PALM2AKAP2: variants seen among roughly 807,000 people sequenced by gnomAD.
PALM2AKAP2 encodes the protein PALM2 and AKAP2 fusion.
PALM2AKAP2 carries 37 observed loss-of-function variants against 71.5 expected under a neutral mutation model. That is an observed-to-expected ratio of 0.52 (90% CI 0.40 to 0.68). The LOEUF is 0.68. PALM2AKAP2 is among the 30% of genes least tolerant of loss of function. PALM2AKAP2 has a pLI of 0.00. For synonymous variants in PALM2AKAP2, 468 were observed against 478.8 expected (o/e 0.98, Z 0.29); for missense variants, 1,224 against 1,191.8 (o/e 1.03, Z -0.40).
intron 6 of PALM2AKAP2, among the ~76,000 whole-genome samples, chr9:109,932,586 C>T (rs1317316451): frequency 1.3e-5 from 2 of 152,174 alleles, no homozygotes; most frequent in African/African-American, 4.8e-5. Flanking sequence ...TAATGTGTCT[C>T]ACAATTGGAA....
At chr9:109,967,700 G>T (rs765542883) in intron 6 of PALM2AKAP2, among the ~76,000 whole-genome samples, 1 of 152,176 alleles carries the variant, frequency 6.6e-6, no homozygotes, top group Admixed American at 6.5e-5. Context: ...GTGAGCCACC[G>T]CACTTGGCTG....
At chr9:109,694,585 C>A (rs1354071268) in intron 1 of PALM2AKAP2, among the ~76,000 whole-genome samples, 2 of 151,948 alleles carry the variant, frequency 1.3e-5, no homozygotes, top group African/African-American at 4.8e-5. Context: ...ATGCTTATTT[C>A]TTGGAAAGGA....
At chr9:110,054,628 A>C (rs1731088861) in intron 1 of PALM2AKAP2, among the ~76,000 whole-genome samples, 1 of 152,152 alleles carries the variant, frequency 6.6e-6, no homozygotes, top group African/African-American at 2.4e-5. Context: ...GCTGGAGTGC[A>C]GTTGTGTGAT....
chr9:110,002,197 C>G (rs529135289), intron 6 of PALM2AKAP2, among the ~76,000 whole-genome samples: 1 of 152,054 alleles, frequency 6.6e-6, no homozygotes, highest in East Asian at 1.9e-4. Flanking sequence ...CCATCAATAC[C>G]CAATTTATTG....
chr9:109,981,273 C>T (rs1341455587), intron 6 of PALM2AKAP2, among the ~76,000 whole-genome samples: 3 of 152,148 alleles, frequency 2.0e-5, no homozygotes, highest in Non-Finnish European at 2.9e-5. Flanking sequence ...GTAAAAATAC[C>T]TCAAATGCAG....
At chr9:110,017,801 C>T (rs992339862) in intron 7 of PALM2AKAP2, among the ~76,000 whole-genome samples, 1 of 151,080 alleles carries the variant, frequency 6.6e-6, no homozygotes, top group Admixed American at 6.6e-5. Flanking sequence ...AGACTTGGCT[C>T]ACTGCAACAT....
Position 110,052,664 on chromosome 9 carries a change from A to G in PALM2AKAP2, c.156+3809A>G, listed in dbSNP as rs189108892. ...TGATATTTAAATCTAAGTTTTAAAA[A>G]TGTATTTCACCCATTGTTAATGAAA... On this transcript the variant is annotated intron_variant, in intron 1 of 3. Transcript: ENST00000374525. Among the ~76,000 whole-genome samples, 24 of 152,370 alleles carry G rather than the reference A, an allele frequency of 1.6e-4. No individual in the cohort carries two copies. In the East Asian group the frequency reaches 3.1e-3, roughly 20 times the overall value.
intron 1 of PALM2AKAP2, among the ~76,000 whole-genome samples, chr9:109,740,868 G>C (rs753369581): frequency 1.3e-5 from 2 of 152,130 alleles, no homozygotes; most frequent in Non-Finnish European, 2.9e-5. Context: ...TGGCCAGGAT[G>C]GTCTCAATCT....
At chr9:109,866,136 G>A (rs1829442267) in intron 1 of PALM2AKAP2, among the ~76,000 whole-genome samples, 1 of 152,200 alleles carries the variant, frequency 6.6e-6, no homozygotes, top group Non-Finnish European at 1.5e-5. Flanking sequence ...TCTGGGCATT[G>A]CACAGAAAAC....
intron 1 of PALM2AKAP2, among the ~76,000 whole-genome samples, chr9:109,689,898 C>T (rs1199514418): frequency 6.6e-6 from 1 of 152,202 alleles, no homozygotes; most frequent in Non-Finnish European, 1.5e-5. Context: ...GTTCACCACC[C>T]AACTGAATGA....
chr9:109,670,517 C>T (rs1053578234), intron 1 of PALM2AKAP2, among the ~76,000 whole-genome samples: 2 of 152,018 alleles, frequency 1.3e-5, no homozygotes, highest in Non-Finnish European at 2.9e-5. Flanking sequence ...TCCAGTCTAC[C>T]ATTGATGGAT....
intron 1 of PALM2AKAP2, among the ~76,000 whole-genome samples, chr9:109,711,842 C>G (rs1483017804): frequency 1.3e-5 from 2 of 152,194 alleles, no homozygotes; most frequent in Admixed American, 1.3e-4. Flanking sequence ...GGCTGTCCAG[C>G]GACTGGGATC....
intron 6 of PALM2AKAP2, chr9:109,944,278 A>G (rs1223678811): frequency 6.6e-6 from 1 of 152,188 alleles, no homozygotes; most frequent in Non-Finnish European, 1.5e-5. Flanking sequence ...GTAAATTTTT[A>G]TATTGTTTCT....
intron 7 of PALM2AKAP2, among the ~76,000 whole-genome samples, chr9:110,029,690 G>A (rs904436515): frequency 1.3e-5 from 2 of 152,172 alleles, no homozygotes; most frequent in Non-Finnish European, 2.9e-5. Flanking sequence ...CAAAGTCTAT[G>A]ACTTGTGAAA....
intron 1 of PALM2AKAP2, among the ~76,000 whole-genome samples, chr9:110,092,271 G>A (rs751158375): frequency 2.6e-5 from 4 of 152,110 alleles, no homozygotes; most frequent in Non-Finnish European, 5.9e-5. Context: ...GGTGGAGGCT[G>A]TAGTGAGCTG....
chr9:110,131,571 A>G (rs1249651536), intron 1 of PALM2AKAP2, among the ~76,000 whole-genome samples: 1 of 152,186 alleles, frequency 6.6e-6, no homozygotes, highest in Non-Finnish European at 1.5e-5. Flanking sequence ...ATTCCTGCCT[A>G]ATCCGGATAG....
At chr9:110,096,004 G>T (rs772141961) in intron 1 of PALM2AKAP2, among the ~76,000 whole-genome samples, 1 of 152,200 alleles carries the variant, frequency 6.6e-6, no homozygotes, top group Non-Finnish European at 1.5e-5. Context: ...ATCTACAAGC[G>T]CATGCATGTG....
intron 6 of PALM2AKAP2, among the ~76,000 whole-genome samples, chr9:110,011,447 C>T (rs550033901): frequency 1.6e-4 from 24 of 152,094 alleles, no homozygotes; most frequent in East Asian, 3.9e-4. Flanking sequence ...AACTCTTCTC[C>T]GGAACTCAAA....
At chr9:109,789,215 C>A (rs115957945) in intron 1 of PALM2AKAP2, among the ~76,000 whole-genome samples, 4,816 of 152,258 alleles carry the variant, frequency 0.032, 95 homozygotes, top group Non-Finnish European at 0.036. Flanking sequence ...AACACCATGA[C>A]AGCCCCATTG....
Sources: gnomAD v4.1 joint callset for allele counts (sites outside exome capture counted in the v4.1 genomes callset) on GRCh38, gnomAD v4.1.1 for gene constraint, MANE v1.5 for transcripts, NCBI Gene and HGNC (gene_info 2026-07-23, HGNC 2026-07-21) for gene names.